The following STT3B variants were observed in gnomAD, a reference collection of about 807,000 sequenced individuals.
The protein encoded by STT3B is dolichyl-diphosphooligosaccharide--protein glycosyltransferase subunit STT3B.
STT3B carries 29 observed loss-of-function variants against 96.8 expected under a neutral mutation model. That is an observed-to-expected ratio of 0.30 (90% CI 0.22 to 0.41). The LOEUF (loss-of-function observed/expected upper bound fraction) is 0.41, where lower values mean the gene tolerates loss of function less well. Among genes scored for constraint, STT3B ranks in the 10% least tolerant of loss-of-function variants. The probability of loss-of-function intolerance (pLI) is 1.00; values close to 1 mark genes in which losing one functional copy is unlikely to be tolerated. For missense variants in STT3B, 640 were observed against 1,022.3 expected (o/e 0.63, Z 5.10); for synonymous variants, 367 against 360.0 (o/e 1.02, Z -0.22).
intron 1 of STT3B, among the ~76,000 whole-genome samples, chr3:31,572,632 TGA>T (rs1698185080): frequency 6.6e-6 from 1 of 152,194 alleles, no homozygotes; most frequent in African/African-American, 2.4e-5. Context: ...GAGGCTGAAG[TGA>T]GAGGATTGCT....
intron 1 of STT3B, among the ~76,000 whole-genome samples, chr3:31,565,976 A>T (rs1046433278): frequency 1.3e-5 from 2 of 152,192 alleles, no homozygotes; most frequent in African/African-American, 4.8e-5. Flanking sequence ...ACATATATAG[A>T]TATAGATCTA....
chr3:31,582,858 A>T (rs957692942), intron 3 of STT3B, among the ~76,000 whole-genome samples: 3 of 151,786 alleles, frequency 2.0e-5, no homozygotes, highest in Admixed American at 1.3e-4. Context: ...TCTGTTATTG[A>T]TTTCTGACTT....
chr3:31,632,319 G>T (rs1271435824), intron 14 of STT3B, among the ~76,000 whole-genome samples: 1 of 152,090 alleles, frequency 6.6e-6, no homozygotes, highest in Non-Finnish European at 1.5e-5. Flanking sequence ...TAATAATTGG[G>T]ATATAAAGCT....
chr3:31,587,652 T>G (rs192195957), intron 3 of STT3B, among the ~76,000 whole-genome samples: 88 of 152,264 alleles, frequency 5.8e-4, no homozygotes, highest in African/African-American at 2.0e-3. Flanking sequence ...ATTGTATTTC[T>G]CCATTTTTTC....
chr3:31,634,461 G>A (rs1699722293), intron 15 of STT3B, among the ~76,000 whole-genome samples: 1 of 152,134 alleles, frequency 6.6e-6, no homozygotes, highest in Non-Finnish European at 1.5e-5. Context: ...AATCTGTCTT[G>A]TGTGCCCAAA....
chr3:31,555,182 C>T (rs865993663), intron 1 of STT3B, among the ~76,000 whole-genome samples: 41 of 152,258 alleles, frequency 2.7e-4, no homozygotes, highest in South Asian at 8.3e-4. Context: ...ATATATCCTT[C>T]TTGGCAAGAT....
intron 3 of STT3B, 67 bp downstream of exon 3, chr3:31,580,163 G>A: frequency 6.7e-7 from 1 of 1,490,210 alleles, no homozygotes; most frequent in Non-Finnish European, 9.1e-7. Context: ...ACTTTAGGCT[G>A]TACGCAGATT....
intron 5 of STT3B, among the ~76,000 whole-genome samples, chr3:31,606,787 C>T (rs916827932): frequency 2.6e-5 from 4 of 152,200 alleles, no homozygotes; most frequent in Non-Finnish European, 5.9e-5. Flanking sequence ...TACCGTCTTC[C>T]AGACCTCAGA....
At chr3:31,624,171 T>TG (rs1559391309) in intron 11 of STT3B, among the ~76,000 whole-genome samples, 1 of 152,176 alleles carries the variant, frequency 6.6e-6, no homozygotes, top group Non-Finnish European at 1.5e-5. Context: ...TATAATTAAA[T>TG]TATTTTTGAC....
intron 3 of STT3B, among the ~76,000 whole-genome samples, chr3:31,590,170 A>G (rs1698636310): frequency 6.6e-6 from 1 of 151,974 alleles, no homozygotes; most frequent in East Asian, 1.9e-4. Flanking sequence ...ATTTCTGTAC[A>G]ATCTGTAGTG....
At chr3:31,571,137 A>G (rs1049317043) in intron 1 of STT3B, among the ~76,000 whole-genome samples, 4 of 152,182 alleles carry the variant, frequency 2.6e-5, no homozygotes, top group Non-Finnish European at 4.4e-5. Flanking sequence ...AGGTATTGCT[A>G]TGTCTTCTGA....
chr3:31,563,101 C>G (rs150608484), intron 1 of STT3B, among the ~76,000 whole-genome samples: 1,977 of 152,240 alleles, frequency 0.013, 28 homozygotes, highest in Middle Eastern at 0.041. Flanking sequence ...AGGCTTGTTT[C>G]CCTCTTTTTC....
intron 4 of STT3B, among the ~76,000 whole-genome samples, chr3:31,597,983 G>C (rs540548667): frequency 4.0e-4 from 60 of 151,828 alleles, no homozygotes; most frequent in Admixed American, 2.0e-3. Flanking sequence ...TTGCAGATGT[G>C]TGCCACTATG....
chr3:31,599,512 A>G (rs1463039790), intron 4 of STT3B, among the ~76,000 whole-genome samples: 2 of 152,208 alleles, frequency 1.3e-5, no homozygotes, highest in African/African-American at 4.8e-5. Flanking sequence ...GCAGTTCTCC[A>G]CAAGGGGTTC....
chr3:31,581,776 C>A (rs1242417384), intron 3 of STT3B, among the ~76,000 whole-genome samples: 1 of 152,136 alleles, frequency 6.6e-6, no homozygotes, highest in African/African-American at 2.4e-5. Flanking sequence ...AGTGTTGGTT[C>A]AGTTCTTTAA....
intron 1 of STT3B, among the ~76,000 whole-genome samples, chr3:31,568,438 G>A (rs1308175656): frequency 6.6e-6 from 1 of 152,130 alleles, no homozygotes; most frequent in Admixed American, 6.5e-5. Flanking sequence ...CCTCCATACT[G>A]TTCTTCGTAG....
At chr3:31,607,790 G>A (rs1045680135) in intron 5 of STT3B, among the ~76,000 whole-genome samples, 15 of 152,120 alleles carry the variant, frequency 9.9e-5, no homozygotes, top group African/African-American at 3.6e-4. Context: ...AATGGTAGGG[G>A]GATCTCATTA....
chr3:31,544,922 G>T (rs1264322728), intron 1 of STT3B, among the ~76,000 whole-genome samples: 1 of 152,102 alleles, frequency 6.6e-6, no homozygotes, highest in African/African-American at 2.4e-5. Context: ...GGGTGACAGA[G>T]CAAGACTCTG....
At position 31,623,617 on chromosome 3, in the gene STT3B, C is replaced by G; in HGVS notation, c.1540-57C>G. 5 of 1,364,098 alleles carry G rather than the reference C, an allele frequency of 3.7e-6. 1 individual carries two copies. Among genetic ancestry groups the G allele is most frequent in the South Asian group, 2.9e-5 (2 of 68,944 alleles). The allele number at this position is 1,364,098 out of a possible 1,614,324, so 84.5% of individuals were successfully genotyped here. ...TCTCTCAACTTTTTCCATTGAGTAT[C>G]TTAATGAAGCAAGTCAAATAATGAA... On this transcript the variant is annotated intron_variant, in intron 10 of 15. Transcript: ENST00000295770.
Sources: gnomAD v4.1 joint callset for allele counts (sites outside exome capture counted in the v4.1 genomes callset) on GRCh38, gnomAD v4.1.1 for gene constraint, MANE v1.5 for transcripts, NCBI Gene and HGNC (gene_info 2026-07-23, HGNC 2026-07-21) for gene names.